Variants in WDFY2 observed in about 807,000 individuals in gnomAD.
The protein encoded by WDFY2 is WD repeat and FYVE domain containing 2, also known as WD repeat and FYVE domain-containing protein 2.
WDFY2 carries 36 observed loss-of-function variants against 56.4 expected under a neutral mutation model. That is an observed-to-expected ratio of 0.64 (90% confidence interval 0.49 to 0.84). WDFY2 has a LOEUF of 0.84. Ranked by LOEUF, WDFY2 falls within the 40% of genes least tolerant of loss-of-function variation. The pLI is 0.00. For synonymous variants in WDFY2, 176 were observed against 183.7 expected (o/e 0.96, Z 0.34); for missense variants, 444 against 512.2 (o/e 0.87, Z 1.29).
Position 51,763,283 on chromosome 13 carries a change from TATGAC to T in WDFY2, c.*3516_*3520del, listed in dbSNP as rs1023160811. 13 of 152,308 alleles carry T rather than the reference TATGAC, an allele frequency of 8.5e-5. No individual in the cohort carries two copies. The highest frequency in any genetic ancestry group is 3.1e-4 in the African/African-American group (13 of 41,556). 9.4% of individuals were successfully genotyped at this position (152,308 alleles called of 1,614,324 possible). A position where few individuals can be genotyped will look rare whatever the true frequency, so the allele number is the denominator to read the frequency against. Reference sequence around the variant, plus strand: ...CTTTGTTCCTCTTATCGAAAGCATATATGACAGTTTTTTTGGCTCCGGCCCTGTGG... The same window carrying T: ...CTTTGTTCCTCTTATCGAAAGCATATAGTTTTTTTGGCTCCGGCCCTGTGG... On this transcript the variant is annotated 3_prime_UTR_variant, in exon 12 of 12. Transcript: ENST00000298125.
chr13:51,670,350 C>T (rs922907327), intron 2 of WDFY2, among the ~76,000 whole-genome samples: 1 of 152,108 alleles, frequency 6.6e-6, no homozygotes, highest in African/African-American at 2.4e-5. Flanking sequence ...AACAACAAAT[C>T]GAGGCATCAA....
chr13:51,710,145 A>G (rs1159614750), intron 4 of WDFY2, among the ~76,000 whole-genome samples: 1 of 152,206 alleles, frequency 6.6e-6, no homozygotes, highest in Non-Finnish European at 1.5e-5. Flanking sequence ...ACGCAAATCA[A>G]TAAACGTAAT....
At chr13:51,724,030 T>G (rs1203091466) in intron 5 of WDFY2, among the ~76,000 whole-genome samples, 2 of 152,150 alleles carry the variant, frequency 1.3e-5, no homozygotes, top group African/African-American at 4.8e-5. Context: ...GAGTACAGAT[T>G]TGGTGCCCTG....
chr13:51,678,699 A>G (rs1007769848), intron 3 of WDFY2, among the ~76,000 whole-genome samples: 3 of 152,224 alleles, frequency 2.0e-5, no homozygotes, highest in Non-Finnish European at 4.4e-5. Flanking sequence ...ATTATGCTCA[A>G]TTCTAACATA....
chr13:51,641,825 CAAAAAAAAA>C lies in WDFY2; in HGVS notation c.138-18750_138-18742del, dbSNP rs750489541. 2.7e-4 allele frequency among the ~76,000 whole-genome samples: 10 copies of C among 37,426 alleles called. No homozygotes were observed. In the East Asian group the frequency reaches 4.0e-3, roughly 15 times the overall value. 24.6% of individuals were successfully genotyped at this position (37,426 alleles called of 152,430 possible). ...TGGGCGACAGAGCGAGACTCCGTCT[CAAAAAAAAA>C]AAAAAAAAAAAAAAAAAAAATATTT... is the stretch of plus-strand genomic sequence containing the variant. On this transcript the variant is annotated intron_variant, in intron 1 of 11. Coordinates refer to ENST00000298125, the MANE Select transcript of WDFY2 (RefSeq NM_052950.4).
Position 51,761,308 on chromosome 13 carries a change from A to T in WDFY2, c.*1539A>T, listed in dbSNP as rs1165670117. 3 of 152,184 alleles carry T rather than the reference A, an allele frequency of 2.0e-5. No individual in the cohort carries two copies. Among genetic ancestry groups the T allele is most frequent in the Non-Finnish European group, 4.4e-5 (3 of 68,028 alleles). The allele number at this position is 152,184 out of a possible 1,614,324, so 9.4% of individuals were successfully genotyped here. A position where few individuals can be genotyped will look rare whatever the true frequency, so the allele number is the denominator to read the frequency against. On this transcript the variant is annotated 3_prime_UTR_variant, in exon 12 of 12. Transcript: ENST00000298125. ...AAATGAAATATTCTTGTGTGTAGTG[A>T]TTCAGCTCAGGATATTGAAGTCCCT...
chr13:51,635,745 T>C (rs753729151), intron 1 of WDFY2, among the ~76,000 whole-genome samples: 1 of 152,242 alleles, frequency 6.6e-6, no homozygotes, highest in Non-Finnish European at 1.5e-5. Flanking sequence ...TCTCTCTTAC[T>C]CGTAGTACTT....
At chr13:51,701,697 T>TA (rs1174228633) in intron 3 of WDFY2, among the ~76,000 whole-genome samples, 1 of 152,152 alleles carries the variant, frequency 6.6e-6, no homozygotes. Flanking sequence ...AAACCTCTAT[T>TA]ACGTTGTGTT....
chr13:51,759,877 T>C lies in WDFY2; in HGVS notation c.*108T>C. ...GACATGTGAGAAGTAAGAAAGAAAC[T>C]AAAGACCCTGAATGAATTTGCAGAT... On this transcript the variant is annotated 3_prime_UTR_variant, in exon 12 of 12. Coordinates refer to ENST00000298125, the MANE Select transcript of WDFY2 (RefSeq NM_052950.4). 1.6e-6 allele frequency: 2 copies of C among 1,273,552 alleles called. No homozygotes were observed. Among genetic ancestry groups the C allele is most frequent in the Non-Finnish European group, 2.2e-6 (2 of 894,520 alleles). The allele number at this position is 1,273,552 out of a possible 1,614,324, so 78.9% of individuals were successfully genotyped here.
intron 2 of WDFY2, among the ~76,000 whole-genome samples, chr13:51,664,649 GT>G (rs1955669212): frequency 6.6e-6 from 1 of 152,174 alleles, no homozygotes; most frequent in African/African-American, 2.4e-5. Context: ...TTGTGCCTAA[GT>G]TCACCTGAGC....
rs4436689 is a variant in WDFY2, at chr13:51,760,757, C to G, written c.*988C>G. The G allele has an allele frequency of 6.6e-6, 1 of 152,284 alleles. No individual in the cohort carries two copies. Among genetic ancestry groups the G allele is most frequent in the Admixed American group, 6.5e-5 (1 of 15,292 alleles). 9.4% of individuals were successfully genotyped at this position (152,284 alleles called of 1,614,324 possible). On this transcript the variant is annotated 3_prime_UTR_variant, in exon 12 of 12. Coordinates refer to ENST00000298125, the MANE Select transcript of WDFY2 (RefSeq NM_052950.4). ...TAGCTTCTCATAAGGAGCACGCAAC[C>G]TAAATCCCTCGCATGCGCAGTTCAC...
chr13:51,760,101 G>A lies in WDFY2; in HGVS notation c.*332G>A. 4.4e-6 allele frequency: 1 copy of A among 227,936 alleles called. No homozygotes were observed. The highest frequency in any genetic ancestry group is 1.4e-4 in the South Asian group (1 of 7,170). 14.1% of individuals were successfully genotyped at this position (227,936 alleles called of 1,614,324 possible). ...TTTTCAACACCCCATTTTACTTGTT[G>A]CTTTGTCAGAGAAATAAGGGAGGTA... On this transcript the variant is annotated 3_prime_UTR_variant, in exon 12 of 12. Coordinates refer to ENST00000298125, the MANE Select transcript of WDFY2 (RefSeq NM_052950.4).
At chr13:51,743,283 G>T (rs2138697760) in intron 7 of WDFY2, among the ~76,000 whole-genome samples, 1 of 152,304 alleles carries the variant, frequency 6.6e-6, no homozygotes, top group South Asian at 2.1e-4. Context: ...GTGGTCATTA[G>T]TGTGCAGGCC....
chr13:51,755,135 T>C (rs892839225), intron 8 of WDFY2, among the ~76,000 whole-genome samples: 2 of 152,220 alleles, frequency 1.3e-5, no homozygotes, highest in African/African-American at 4.8e-5. Context: ...TTATTAATCA[T>C]ATTTTCATGA....
intron 7 of WDFY2, among the ~76,000 whole-genome samples, chr13:51,741,502 G>T (rs1425619926): frequency 6.6e-6 from 1 of 152,182 alleles, no homozygotes; most frequent in Non-Finnish European, 1.5e-5. Flanking sequence ...CCCTGGAGCT[G>T]CCAGAAGTAG....
Position 51,763,229 on chromosome 13 carries a change from C to T in WDFY2, c.*3460C>T, listed in dbSNP as rs890857712. ...TGAGTGGGAGGAGAGACTTTCAGCA[C>T]CTTGAGACAGGGCGCTCTCTGGAAC... On this transcript the variant is annotated 3_prime_UTR_variant, in exon 12 of 12. Transcript: ENST00000298125. 6.6e-6 allele frequency: 1 copy of T among 152,162 alleles called. No individual in the cohort carries two copies. The highest frequency in any genetic ancestry group is 1.5e-5 in the Non-Finnish European group (1 of 68,032). 9.4% of individuals were successfully genotyped at this position (152,162 alleles called of 1,614,324 possible).
chr13:51,669,155 G>T (rs951711723), intron 2 of WDFY2, among the ~76,000 whole-genome samples: 2 of 151,976 alleles, frequency 1.3e-5, no homozygotes, highest in African/African-American at 4.8e-5. Flanking sequence ...TTTGTCTAGG[G>T]CTATGTCTCC....
chr13:51,738,479 A>G (rs1295262830), intron 6 of WDFY2, among the ~76,000 whole-genome samples: 1 of 152,238 alleles, frequency 6.6e-6, no homozygotes, highest in Non-Finnish European at 1.5e-5. Flanking sequence ...CATAGTGGTC[A>G]TGGTGTTACC....
At chr13:51,700,558 C>T (rs1328553958) in intron 3 of WDFY2, among the ~76,000 whole-genome samples, 1 of 152,108 alleles carries the variant, frequency 6.6e-6, no homozygotes, top group Non-Finnish European at 1.5e-5. Context: ...CAATTCTTCT[C>T]GGACTTTTAT....
Sources: gnomAD v4.1 joint callset for allele counts (sites outside exome capture counted in the v4.1 genomes callset) on GRCh38, gnomAD v4.1.1 for gene constraint, MANE v1.5 for transcripts, NCBI Gene and HGNC (gene_info 2026-07-23, HGNC 2026-07-21) for gene names.